Variants in SUPT3H observed in about 807,000 individuals in gnomAD.
The protein encoded by SUPT3H is SPT3 homolog, SAGA and STAGA complex component, also known as transcription initiation protein SPT3 homolog.
In SUPT3H, 44 loss-of-function variants were observed where a neutral mutation model predicts 44.3. The observed-to-expected ratio is 0.99, with a 90% confidence interval of 0.78 to 1.28. The LOEUF (loss-of-function observed/expected upper bound fraction) is 1.28, where lower values mean the gene tolerates loss of function less well. SUPT3H is among the 50% of genes most tolerant of loss of function. The pLI is 0.00. For synonymous variants in SUPT3H, 124 were observed against 125.6 expected, an observed-to-expected ratio of 0.99 and a Z score of 0.09; for missense variants, 380 against 387.1, an observed-to-expected ratio of 0.98 and a Z score of 0.15.
At chr6:45,011,634 C>T (rs1268011412) in intron 5 of SUPT3H, among the ~76,000 whole-genome samples, 3 of 152,030 alleles carry the variant, frequency 2.0e-5, no homozygotes, top group Non-Finnish European at 4.4e-5. Flanking sequence ...TTTTATATAG[C>T]TGCTTTATAA....
At chr6:45,259,693 C>T (rs769941816) in intron 2 of SUPT3H, among the ~76,000 whole-genome samples, 1 of 152,030 alleles carries the variant, frequency 6.6e-6, no homozygotes, top group Non-Finnish European at 1.5e-5. Context: ...TAGGAACCAC[C>T]TCTTTTCTAA....
intron 2 of SUPT3H, among the ~76,000 whole-genome samples, chr6:45,251,892 C>T (rs892152374): frequency 6.6e-6 from 1 of 151,770 alleles, no homozygotes; most frequent in Non-Finnish European, 1.5e-5. Context: ...TATAAAAGAA[C>T]AGGGTCCCAA....
intron 3 of SUPT3H, among the ~76,000 whole-genome samples, chr6:45,065,636 C>T (rs1158385283): frequency 1.6e-4 from 24 of 150,840 alleles, no homozygotes; most frequent in African/African-American, 4.9e-4. Flanking sequence ...ATATCACCAC[C>T]GATCCCACAG....
At position 45,288,615 on chromosome 6, in the gene SUPT3H, A is replaced by G. The variant is rs867529974; in HGVS notation, c.101+76586T>C. ...TATATATGTGTATATATATATATGT[A>G]TATATATATATATATATATAGCAAA... On this transcript the variant is annotated intron_variant, in intron 2 of 10. Transcript: ENST00000371459. Among the ~76,000 whole-genome samples the G allele has an allele frequency of 4.8e-3, 295 of 60,868 alleles. 3 individuals are homozygous for G. Among genetic ancestry groups the G allele is most frequent in the Middle Eastern group, 0.012 (1 of 84 alleles). The allele number at this position is 60,868 out of a possible 152,430, so 39.9% of individuals were successfully genotyped here.
rs75676904 is a variant in SUPT3H, at chr6:45,111,796, C to T, written c.102-5790G>A. On this transcript the variant is annotated intron_variant, in intron 2 of 10. Transcript: ENST00000371459. ...TGACATCTCACTGTAGTCACGGCCC[C>T]CCCACCCCCACTCAGGGAAAGAAAT... Among the ~76,000 whole-genome samples the T allele has an allele frequency of 4.4e-4, 67 of 152,100 alleles. No homozygotes were observed. In the East Asian group the frequency reaches 0.011, roughly 26 times the overall value.
chr6:45,321,651 A>G lies in SUPT3H; in HGVS notation c.101+43550T>C. ...AGCTCTACTTTCAATCTAGCAACCA[A>G]TCAAGTTTCACATGCATGTTGATTT... On this transcript the variant is annotated intron_variant, in intron 2 of 10. Transcript: ENST00000371459. 6 of 609,568 alleles carry G rather than the reference A, an allele frequency of 9.8e-6. No homozygotes were observed. The South Asian group carries it at 1.2e-4, about 13-fold the overall frequency. The allele number at this position is 609,568 out of a possible 1,614,324, so 37.8% of individuals were successfully genotyped here. A position where few individuals can be genotyped will look rare whatever the true frequency, so the allele number is the denominator to read the frequency against.
intron 3 of SUPT3H, among the ~76,000 whole-genome samples, chr6:45,022,076 T>C (rs1785220238): frequency 6.6e-6 from 1 of 151,996 alleles, no homozygotes; most frequent in African/African-American, 2.4e-5. Context: ...TCTATCACAG[T>C]CTAAAATACA....
chr6:45,179,848 T>C (rs916267698), intron 2 of SUPT3H, among the ~76,000 whole-genome samples: 2 of 152,140 alleles, frequency 1.3e-5, no homozygotes, highest in African/African-American at 4.8e-5. Flanking sequence ...CTATTCAACA[T>C]AGTGATGGAA....
chr6:45,310,640 T>C (rs968416386), intron 2 of SUPT3H, among the ~76,000 whole-genome samples: 1 of 152,086 alleles, frequency 6.6e-6, no homozygotes, highest in Non-Finnish European at 1.5e-5. Flanking sequence ...AGCCAGGAGC[T>C]GGGTAGACTC....
At chr6:45,071,195 T>G (rs1044825088) in intron 3 of SUPT3H, among the ~76,000 whole-genome samples, 23 of 152,092 alleles carry the variant, frequency 1.5e-4, no homozygotes, top group Non-Finnish European at 2.9e-4. Context: ...ATATGAACAA[T>G]GAAAGCATGG....
intron 3 of SUPT3H, among the ~76,000 whole-genome samples, chr6:45,024,107 T>G (rs767295287): frequency 6.6e-5 from 10 of 152,172 alleles, no homozygotes; most frequent in Non-Finnish European, 1.5e-4. Context: ...TGATTAATAT[T>G]ACTTCTATTT....
At chr6:45,253,589 G>A (rs552865145) in intron 2 of SUPT3H, among the ~76,000 whole-genome samples, 16 of 151,960 alleles carry the variant, frequency 1.1e-4, no homozygotes, top group African/African-American at 3.6e-4. Flanking sequence ...CCAGTAGCTC[G>A]AGACCAGCCT....
chr6:44,906,643 T>C (rs1766134181), intron 10 of SUPT3H, among the ~76,000 whole-genome samples: 2 of 152,138 alleles, frequency 1.3e-5, no homozygotes, highest in African/African-American at 4.8e-5. Context: ...GCCCCTATAA[T>C]CCCAGTTACT....
intron 9 of SUPT3H, among the ~76,000 whole-genome samples, chr6:44,951,689 G>A (rs1055019336): frequency 1.2e-4 from 19 of 152,266 alleles, no homozygotes; most frequent in South Asian, 8.3e-4. Context: ...CAGCGGCTGC[G>A]GTTGCTGAGC....
intron 2 of SUPT3H, among the ~76,000 whole-genome samples, chr6:45,191,554 A>G (rs1343656748): frequency 6.6e-6 from 1 of 152,094 alleles, no homozygotes; most frequent in Non-Finnish European, 1.5e-5. Context: ...ATCCTAAACT[A>G]TGAACTTTAG....
At chr6:44,901,048 T>A (rs1195688968) in intron 10 of SUPT3H, among the ~76,000 whole-genome samples, 1 of 151,718 alleles carries the variant, frequency 6.6e-6, no homozygotes, top group East Asian at 1.9e-4. Flanking sequence ...AGACCAAAGG[T>A]AGATAAAACC....
chr6:44,817,129 C>T (rs1766968060), intron 11 of SUPT3H, among the ~76,000 whole-genome samples: 1 of 136,230 alleles, frequency 7.3e-6, no homozygotes, highest in Admixed American at 7.2e-5. Flanking sequence ...CACACACATG[C>T]CCACACACAC....
chr6:44,815,585 A>G (rs1267274244), intron 11 of SUPT3H, among the ~76,000 whole-genome samples: 1 of 152,172 alleles, frequency 6.6e-6, no homozygotes, highest in African/African-American at 2.4e-5. Context: ...GGTAAAAAGG[A>G]AAATTAAGAA....
chr6:45,299,394 A>G (rs879385531), intron 2 of SUPT3H, among the ~76,000 whole-genome samples: 1 of 152,160 alleles, frequency 6.6e-6, no homozygotes, highest in Non-Finnish European at 1.5e-5. Context: ...TATGTTAAAA[A>G]CAAAAGCAGT....
Sources: gnomAD v4.1 joint callset for allele counts (sites outside exome capture counted in the v4.1 genomes callset) on GRCh38, gnomAD v4.1.1 for gene constraint, MANE v1.5 for transcripts, NCBI Gene and HGNC (gene_info 2026-07-23, HGNC 2026-07-21) for gene names.